Variants in GALNT13 observed in about 807,000 individuals in gnomAD.
GALNT13 encodes the protein polypeptide N-acetylgalactosaminyltransferase 13, also known as UDP-GalNAc:polypeptide N-acetylgalactosaminyltransferase 13.
GALNT13 carries 28 observed loss-of-function variants against 64.2 expected under a neutral mutation model. The ratio of observed to expected loss-of-function variants is 0.44; its 90% CI spans 0.32 to 0.60. The LOEUF is 0.60. Among genes scored for constraint, GALNT13 ranks in the 20% least tolerant of loss-of-function variants. GALNT13 has a pLI of 0.05. For synonymous variants in GALNT13, 214 were observed against 224.6 expected, an observed-to-expected ratio of 0.95 and a Z score of 0.42; for missense variants, 577 against 669.8, an observed-to-expected ratio of 0.86 and a Z score of 1.53.
At chr2:153,612,585 A>G in the GALNT13 span, among the ~76,000 whole-genome samples, 1 of 152,102 alleles carries the variant, frequency 6.6e-6, no homozygotes, top group Non-Finnish European at 1.5e-5. Context: ...TCATATAAAC[A>G]CTGTTGACAT....
chr2:153,151,012 T>G, the GALNT13 span, among the ~76,000 whole-genome samples: 3 of 152,032 alleles, frequency 2.0e-5, no homozygotes, highest in African/African-American at 7.2e-5. Context: ...AAGAAAGTCA[T>G]TGGTAGCTTG....
the GALNT13 span, among the ~76,000 whole-genome samples, chr2:153,124,050 A>G: frequency 1.3e-5 from 2 of 152,160 alleles, no homozygotes; most frequent in Non-Finnish European, 2.9e-5. Context: ...GCTCTGATAA[A>G]TCAAGCTGCC....
chr2:153,226,417 G>T, the GALNT13 span, among the ~76,000 whole-genome samples: 1 of 152,088 alleles, frequency 6.6e-6, no homozygotes, highest in Non-Finnish European at 1.5e-5. Context: ...AAAATGTATA[G>T]AATTTTTTCT....
At chr2:153,622,846 T>C in the GALNT13 span, among the ~76,000 whole-genome samples, 151 of 152,230 alleles carry the variant, frequency 9.9e-4, no homozygotes, top group African/African-American at 3.5e-3. Context: ...CATTAAATGG[T>C]AGATAAATAA....
the GALNT13 span, among the ~76,000 whole-genome samples, chr2:153,825,756 A>T: frequency 6.6e-6 from 1 of 152,060 alleles, no homozygotes; most frequent in East Asian, 1.9e-4. Flanking sequence ...ACAGCCTAAA[A>T]AACGACTAAC....
chr2:153,097,845 C>T, the GALNT13 span, among the ~76,000 whole-genome samples: 1 of 152,112 alleles, frequency 6.6e-6, no homozygotes, highest in Non-Finnish European at 1.5e-5. Context: ...GTGGGTGGAT[C>T]ACCTAAGGTC....
At chr2:153,574,853 GC>G in the GALNT13 span, among the ~76,000 whole-genome samples, 1 of 151,652 alleles carries the variant, frequency 6.6e-6, no homozygotes, top group African/African-American at 2.4e-5. Flanking sequence ...TTTCTGTTTT[GC>G]TTGGATTGGG....
At chr2:154,091,164 C>T (rs1241488132) in intron 3 of GALNT13, among the ~76,000 whole-genome samples, 3 of 151,906 alleles carry the variant, frequency 2.0e-5, no homozygotes, top group African/African-American at 7.2e-5. Context: ...AAGGCTCTTA[C>T]AATATTCTTG....
At chr2:153,911,949 T>C (rs953635780) in intron 2 of GALNT13, among the ~76,000 whole-genome samples, 1 of 152,170 alleles carries the variant, frequency 6.6e-6, no homozygotes, top group Non-Finnish European at 1.5e-5. Context: ...AATGTTGGCC[T>C]CCTTGGCTAG....
chr2:154,263,653 C>CA (rs764166142), intron 8 of GALNT13, among the ~76,000 whole-genome samples: 8 of 152,020 alleles, frequency 5.3e-5, no homozygotes, highest in Non-Finnish European at 1.0e-4. Flanking sequence ...AAACCACACA[C>CA]AAAAAAATAC....
the GALNT13 span, among the ~76,000 whole-genome samples, chr2:153,808,180 G>T: frequency 6.6e-6 from 1 of 152,070 alleles, no homozygotes; most frequent in South Asian, 2.1e-4. Context: ...AGCTTTTGGG[G>T]GCTTTCTGTA....
At chr2:154,249,016 A>G (rs944783294) in intron 7 of GALNT13, among the ~76,000 whole-genome samples, 8 of 151,978 alleles carry the variant, frequency 5.3e-5, no homozygotes, top group African/African-American at 1.7e-4. Flanking sequence ...CTCATCAAGC[A>G]TATCACCCCT....
intron 3 of GALNT13, among the ~76,000 whole-genome samples, chr2:153,988,481 C>T (rs1246978954): frequency 6.6e-6 from 1 of 151,910 alleles, no homozygotes; most frequent in African/African-American, 2.4e-5. Context: ...GGTTAATCCA[C>T]ATTATAAAAA....
At chr2:154,171,144 GAATATTTTTCAGACCAAACA>G (rs1269425095) in intron 4 of GALNT13, among the ~76,000 whole-genome samples, 1 of 152,082 alleles carries the variant, frequency 6.6e-6, no homozygotes, top group African/African-American at 2.4e-5. Flanking sequence ...CTGAGGTTAG[GAATATTTTTCAGACCAAACA>G]AATACATGGA....
the GALNT13 span, among the ~76,000 whole-genome samples, chr2:153,192,333 T>C: frequency 6.6e-6 from 1 of 152,144 alleles, no homozygotes; most frequent in Non-Finnish European, 1.5e-5. Flanking sequence ...TTTTCATGTA[T>C]TTATACAGTT....
chr2:153,404,575 T>G, the GALNT13 span, among the ~76,000 whole-genome samples: 2 of 152,166 alleles, frequency 1.3e-5, no homozygotes, highest in African/African-American at 4.8e-5. Context: ...CTGCTATTAT[T>G]AAGTAAAATT....
chr2:153,577,875 T>C, the GALNT13 span, among the ~76,000 whole-genome samples: 11 of 150,938 alleles, frequency 7.3e-5, no homozygotes, highest in Non-Finnish European at 1.6e-4. Flanking sequence ...CTTTATTCTA[T>C]ATTTTAAACA....
At chr2:153,120,740 G>C in the GALNT13 span, among the ~76,000 whole-genome samples, 1 of 152,018 alleles carries the variant, frequency 6.6e-6, no homozygotes, top group Non-Finnish European at 1.5e-5. Flanking sequence ...TTAGAAGCTT[G>C]GAGTTAGAGC....
chr2:154,178,847 C>G (rs1203236511), intron 4 of GALNT13, among the ~76,000 whole-genome samples: 1 of 152,192 alleles, frequency 6.6e-6, no homozygotes, highest in Non-Finnish European at 1.5e-5. Context: ...ATGTGGCTCC[C>G]TTCCTAACAT....
Sources: gnomAD v4.1 joint callset for allele counts (sites outside exome capture counted in the v4.1 genomes callset) on GRCh38, gnomAD v4.1.1 for gene constraint, MANE v1.5 for transcripts, NCBI Gene and HGNC (gene_info 2026-07-23, HGNC 2026-07-21) for gene names.